The following DRD3 variants were observed in gnomAD, a reference collection of about 807,000 sequenced individuals.
The protein encoded by DRD3 is D(3) dopamine receptor.
Under a neutral mutation model 36.3 loss-of-function variants are expected in DRD3, and 19 were observed. The observed-to-expected ratio is 0.52, with a 90% CI of 0.36 to 0.77. The LOEUF (loss-of-function observed/expected upper bound fraction) is 0.77. Among genes scored for constraint, DRD3 ranks in the 30% least tolerant of loss-of-function variants. The pLI is 0.00. For synonymous variants in DRD3, 195 were observed against 203.7 expected, an observed-to-expected ratio of 0.96 and a Z score of 0.36; for missense variants, 465 against 505.3, an observed-to-expected ratio of 0.92 and a Z score of 0.77.
intron 3 of DRD3, among the ~76,000 whole-genome samples, chr3:114,156,089 G>A (rs1430981133): frequency 6.6e-6 from 1 of 152,062 alleles, no homozygotes; most frequent in African/African-American, 2.4e-5. Context: ...CTTAGGTACT[G>A]TTGTTATCTT....
chr3:114,179,250 C>T (rs371511310), upstream of DRD3, among the ~76,000 whole-genome samples: 5 of 152,020 alleles, frequency 3.3e-5, no homozygotes, highest in East Asian at 7.7e-4. Context: ...AAATTGATAC[C>T]ACAATTGGTT....
chr3:114,196,924 T>A (rs1055080074), intron 1 of DRD3, among the ~76,000 whole-genome samples: 3 of 152,064 alleles, frequency 2.0e-5, no homozygotes, highest in East Asian at 3.9e-4. Context: ...TCCCAGTCTA[T>A]GTCTGTCTTT....
chr3:114,176,350 C>A lies in DRD3; in HGVS notation c.-36+2307G>T, dbSNP rs1012150082. On this transcript the variant is annotated intron_variant, in intron 1 of 6. Coordinates refer to ENST00000383673, the MANE Select transcript of DRD3 (RefSeq NM_000796.6). ...TGGGGGCTCATTCCTGTAATCCCAG[C>A]ACTTTGGGAGGCTGAGATGGAAGGA... Among the ~76,000 whole-genome samples the A allele has an allele frequency of 3.9e-5, 6 of 152,234 alleles. No homozygotes were observed. The East Asian group carries it at 1.2e-3, about 29-fold the overall frequency.
intron 1 of DRD3, among the ~76,000 whole-genome samples, chr3:114,188,927 C>A (rs1302621680): frequency 2.0e-5 from 3 of 152,120 alleles, no homozygotes; most frequent in Non-Finnish European, 4.4e-5. Flanking sequence ...AGGGAATTAC[C>A]TGAAACACTC....
At chr3:114,133,000 T>A (rs936130639) in intron 5 of DRD3, among the ~76,000 whole-genome samples, 2 of 152,066 alleles carry the variant, frequency 1.3e-5, no homozygotes, top group East Asian at 3.9e-4. Flanking sequence ...GTATTCTTTT[T>A]TTTTTTTGAG....
chr3:114,182,978 A>G (rs1245631653), upstream of DRD3, among the ~76,000 whole-genome samples: 1 of 152,132 alleles, frequency 6.6e-6, no homozygotes, highest in Non-Finnish European at 1.5e-5. Flanking sequence ...TCTTTTTGAG[A>G]TCCTGTTTTC....
chr3:114,134,994 C>G (rs1187705141), intron 5 of DRD3, among the ~76,000 whole-genome samples: 1 of 152,132 alleles, frequency 6.6e-6, no homozygotes, highest in Non-Finnish European at 1.5e-5. Flanking sequence ...CGTAGTCACC[C>G]TACTGTGCTA....
At position 114,147,441 on chromosome 3, in the gene DRD3, G is replaced by A; in HGVS notation, c.500C>T (p.Pro167Leu). The A allele has an allele frequency of 6.2e-7, 1 of 1,613,778 alleles. No individual in the cohort carries two copies. The highest frequency in any genetic ancestry group is 8.5e-7 in the Non-Finnish European group (1 of 1,179,928). ...TGTGGTATTAAAGCCAAACAGAAGA[G>A]GGCAGGACACAGCAAAGGCCAGTAC... is the stretch of plus-strand genomic sequence containing the variant. ...VWVLAFAVSCPLLFGFNTTGD... is the reference protein window; with the variant it reads ...VWVLAFAVSCLLLFGFNTTGD... The change falls in exon 4 of 7, where the codon CCT becomes CTT. Residue 167 changes from proline to leucine, a missense_variant. Pro to Leu is a moderately conservative substitution (Grantham distance 98). Transcript: ENST00000383673.
At chr3:114,165,725 C>T (rs2077776717) in intron 2 of DRD3, among the ~76,000 whole-genome samples, 1 of 151,984 alleles carries the variant, frequency 6.6e-6, no homozygotes, top group Non-Finnish European at 1.5e-5. Flanking sequence ...TTGTTTGCCA[C>T]ATTTGGAGTA....
At chr3:114,135,953 A>T (rs768183995) in intron 5 of DRD3, among the ~76,000 whole-genome samples, 5 of 152,138 alleles carry the variant, frequency 3.3e-5, no homozygotes, top group Non-Finnish European at 7.3e-5. Flanking sequence ...GGCCTCTCAA[A>T]TTGCTGGGAT....
At chr3:114,181,114 G>A (rs1268872950), upstream of DRD3, among the ~76,000 whole-genome samples, 1 of 152,082 alleles carries the variant, frequency 6.6e-6, no homozygotes, top group Non-Finnish European at 1.5e-5. Flanking sequence ...TCTCTTCAAG[G>A]GCAGTTGTAA....
chr3:114,166,553 G>T (rs2077786877), intron 2 of DRD3, among the ~76,000 whole-genome samples: 4 of 152,096 alleles, frequency 2.6e-5, no homozygotes, highest in Admixed American at 2.6e-4. Context: ...CAGCATGAAG[G>T]CCCTTCCCAG....
chr3:114,149,387 C>T (rs547719381), intron 3 of DRD3, among the ~76,000 whole-genome samples: 19 of 152,278 alleles, frequency 1.2e-4, no homozygotes, highest in African/African-American at 4.6e-4. Context: ...CTATCCCTTT[C>T]CTGCTACCTG....
intron 1 of DRD3, among the ~76,000 whole-genome samples, chr3:114,198,851 C>A (rs989908041): frequency 6.6e-6 from 1 of 152,176 alleles, no homozygotes. Flanking sequence ...GATCCTCCCA[C>A]CTCAGCCTCT....
chr3:114,191,572 A>T (rs904526333), intron 1 of DRD3, among the ~76,000 whole-genome samples: 1 of 152,186 alleles, frequency 6.6e-6, no homozygotes, highest in African/African-American at 2.4e-5. Context: ...CAGAGAAATG[A>T]TGTATTTGAT....
chr3:114,148,473 A>G (rs2077588638), intron 3 of DRD3, among the ~76,000 whole-genome samples: 1 of 152,126 alleles, frequency 6.6e-6, no homozygotes, highest in African/African-American at 2.4e-5. Context: ...CCTTACTATT[A>G]TTGGACATCT....
At chr3:114,175,005 A>G (rs1318505061) in intron 1 of DRD3, among the ~76,000 whole-genome samples, 2 of 152,202 alleles carry the variant, frequency 1.3e-5, no homozygotes, top group African/African-American at 2.4e-5. Context: ...ATGAGATTAT[A>G]TACATGAAGT....
In DRD3 at chr3:114,128,642, G is replaced by T. The variant is rs150316534; in HGVS notation, c.*74C>A. 1 of 1,442,592 alleles carries T rather than the reference G, an allele frequency of 6.9e-7. No individual in the cohort carries two copies. The highest frequency in any genetic ancestry group is 9.3e-7 in the Non-Finnish European group (1 of 1,075,286). 89.4% of individuals were successfully genotyped at this position (1,442,592 alleles called of 1,614,324 possible). On this transcript the variant is annotated 3_prime_UTR_variant, in exon 7 of 7. Transcript: ENST00000383673. ...TTCCTACTGCATGCCGGAGGACACT[G>T]CACAGTCTTTCTGAGTGGGCCAACA...
chr3:114,151,527 A>G (rs766401455), intron 3 of DRD3, among the ~76,000 whole-genome samples: 3 of 152,160 alleles, frequency 2.0e-5, no homozygotes, highest in Non-Finnish European at 2.9e-5. Context: ...AACTGATGCA[A>G]AAAGTTTCTA....
Sources: allele counts gnomAD v4.1 joint callset (sites outside exome capture counted in the v4.1 genomes callset), GRCh38; gene constraint gnomAD v4.1.1; transcripts MANE v1.5; gene names NCBI Gene and HGNC (gene_info 2026-07-23, HGNC 2026-07-21).